Variants in SH3GL2 observed in about 807,000 individuals in gnomAD.
SH3GL2 encodes the protein SH3 domain containing GRB2 like 2, endophilin A1.
Under a neutral mutation model 46.0 loss-of-function variants are expected in SH3GL2, and 24 were observed. That is an observed-to-expected ratio of 0.52 (90% CI 0.38 to 0.73). The LOEUF (loss-of-function observed/expected upper bound fraction) is 0.73. Among genes scored for constraint, SH3GL2 ranks in the 30% least tolerant of loss-of-function variants. SH3GL2 has a pLI of 0.00. For synonymous variants in SH3GL2, 196 were observed against 147.1 expected, an observed-to-expected ratio of 1.33 and a Z score of -2.40; for missense variants, 413 against 424.2, an observed-to-expected ratio of 0.97 and a Z score of 0.23.
intron 1 of SH3GL2, among the ~76,000 whole-genome samples, chr9:17,737,050 C>T (rs376228953): frequency 3.9e-4 from 59 of 152,156 alleles, no homozygotes; most frequent in African/African-American, 1.1e-3. Flanking sequence ...ATGTCCTTTG[C>T]GGGGACATAG....
chr9:17,629,950 T>G (rs1445646933), intron 1 of SH3GL2, among the ~76,000 whole-genome samples: 1 of 152,196 alleles, frequency 6.6e-6, no homozygotes, highest in African/African-American at 2.4e-5. Flanking sequence ...TGTAATGGAA[T>G]CACATGGAGA....
chr9:17,790,105 A>G (rs1163842117), intron 6 of SH3GL2, among the ~76,000 whole-genome samples: 1 of 152,210 alleles, frequency 6.6e-6, no homozygotes, highest in Non-Finnish European at 1.5e-5. Context: ...CAGAAAGCCT[A>G]GAGCTGTGAC....
chr9:17,743,525 C>T (rs1272344475), intron 1 of SH3GL2, among the ~76,000 whole-genome samples: 1 of 151,716 alleles, frequency 6.6e-6, no homozygotes, highest in Non-Finnish European at 1.5e-5. Flanking sequence ...AGGCACTCCT[C>T]CCTCCTTCTT....
chr9:17,775,252 C>A (rs1260969278), intron 3 of SH3GL2, among the ~76,000 whole-genome samples: 1 of 151,960 alleles, frequency 6.6e-6, no homozygotes, highest in Admixed American at 6.6e-5. Context: ...TTTTTTCCAT[C>A]AATTAAAGAC....
intron 3 of SH3GL2, among the ~76,000 whole-genome samples, chr9:17,782,026 C>T (rs1823823225): frequency 6.6e-6 from 1 of 152,170 alleles, no homozygotes; most frequent in Non-Finnish European, 1.5e-5. Flanking sequence ...TCCCCCTAGA[C>T]ATAGCACTTG....
rs73645147 is a variant in SH3GL2, at chr9:17,706,398, C to A, written c.46-40668C>A. Among the ~76,000 whole-genome samples the A allele has an allele frequency of 1.5e-3, 230 of 152,214 alleles. 2 individuals are homozygous for A. Among genetic ancestry groups the A allele is most frequent in the African/African-American group, 5.4e-3 (225 of 41,556 alleles). ...GTTTTTCTCCACATTGCCTGTGATG[C>A]TAGCACCTCTTCATGAACTTTCCTG... On this transcript the variant is annotated intron_variant, in intron 1 of 8. Coordinates refer to ENST00000380607, the MANE Select transcript of SH3GL2 (RefSeq NM_003026.5).
chr9:17,791,188 G>A (rs1824116367), intron 6 of SH3GL2, 43 bp from the exon 7 acceptor site: 1 of 1,381,680 alleles, frequency 7.2e-7, no homozygotes, highest in Admixed American at 1.7e-5. Flanking sequence ...TTTAGGGATG[G>A]TAACGTGTAA....
chr9:17,611,608 A>G lies in SH3GL2; in HGVS notation c.45+32321A>G, dbSNP rs141338233. ...GAGGCTCCCTGTTACTGAGTTCATGATCTTACATTACTGTTTTCATGAGAA... is the reference window on the plus strand; with the variant it reads ...GAGGCTCCCTGTTACTGAGTTCATGGTCTTACATTACTGTTTTCATGAGAA... On this transcript the variant is annotated intron_variant, in intron 1 of 8. Transcript: ENST00000380607. 4.5e-3 allele frequency among the ~76,000 whole-genome samples: 681 copies of G among 152,254 alleles called. 9 individuals are homozygous for G. Among genetic ancestry groups the G allele is most frequent in the African/African-American group, 0.015 (641 of 41,538 alleles).
chr9:17,622,290 G>A (rs1050358726), intron 1 of SH3GL2, among the ~76,000 whole-genome samples: 2 of 152,128 alleles, frequency 1.3e-5, no homozygotes, highest in Non-Finnish European at 2.9e-5. Flanking sequence ...TCAACTAGGA[G>A]AATCGTAATA....
At chr9:17,741,254 A>T (rs1352953652) in intron 1 of SH3GL2, among the ~76,000 whole-genome samples, 1 of 152,308 alleles carries the variant, frequency 6.6e-6, no homozygotes, top group East Asian at 1.9e-4. Flanking sequence ...TTTCTATCAA[A>T]TGTATGTGGG....
At chr9:17,595,783 T>C (rs1375180750) in intron 1 of SH3GL2, among the ~76,000 whole-genome samples, 1 of 152,154 alleles carries the variant, frequency 6.6e-6, no homozygotes, top group Non-Finnish European at 1.5e-5. Context: ...AAAGCAGATA[T>C]GTAATATGTA....
rs185608808 is a variant in SH3GL2, at chr9:17,775,438, G to T, written c.188-10943G>T. Among the ~76,000 whole-genome samples, 1,100 of 152,238 alleles carry T rather than the reference G, an allele frequency of 7.2e-3. 3 individuals carry two copies. The highest frequency in any genetic ancestry group is 0.012 in the Admixed American group (179 of 15,280). On this transcript the variant is annotated intron_variant, in intron 3 of 8. Coordinates refer to ENST00000380607, the MANE Select transcript of SH3GL2 (RefSeq NM_003026.5). Reference sequence around the variant, plus strand: ...TAAAATGGAGAAACAAAACCCATCTGTTGTGTTTTGCAAGGCTGGATGATG... The same window carrying T: ...TAAAATGGAGAAACAAAACCCATCTTTTGTGTTTTGCAAGGCTGGATGATG...
chr9:17,736,240 T>A (rs2118456418), intron 1 of SH3GL2, among the ~76,000 whole-genome samples: 1 of 152,272 alleles, frequency 6.6e-6, no homozygotes, highest in East Asian at 1.9e-4. Context: ...ACTGGAAGGC[T>A]TTTTAAATTT....
At chr9:17,708,405 C>G (rs1056052198) in intron 1 of SH3GL2, among the ~76,000 whole-genome samples, 2 of 151,950 alleles carry the variant, frequency 1.3e-5, no homozygotes, top group African/African-American at 4.8e-5. Context: ...TAGAGAAACT[C>G]TACTTTGCGT....
At chr9:17,756,109 T>G (rs1473540890) in intron 2 of SH3GL2, among the ~76,000 whole-genome samples, 1 of 152,184 alleles carries the variant, frequency 6.6e-6, no homozygotes, top group Non-Finnish European at 1.5e-5. Context: ...ATTGACAGCG[T>G]TTAAATGAAT....
At chr9:17,662,621 A>G (rs1820248673) in intron 1 of SH3GL2, among the ~76,000 whole-genome samples, 1 of 151,576 alleles carries the variant, frequency 6.6e-6, no homozygotes, top group Non-Finnish European at 1.5e-5. Context: ...GTCTTTTGGC[A>G]TGTTAGCATG....
At chr9:17,777,662 C>T (rs557784776) in intron 3 of SH3GL2, among the ~76,000 whole-genome samples, 1 of 152,218 alleles carries the variant, frequency 6.6e-6, no homozygotes, top group East Asian at 1.9e-4. Context: ...ACTATGTCCT[C>T]ATGTAACCTT....
chr9:17,684,883 T>G (rs1820864508), intron 1 of SH3GL2, among the ~76,000 whole-genome samples: 1 of 152,262 alleles, frequency 6.6e-6, no homozygotes, highest in Non-Finnish European at 1.5e-5. Flanking sequence ...TTACTCTTCA[T>G]TTCACTGCCA....
chr9:17,693,222 G>C (rs1046296453), intron 1 of SH3GL2, among the ~76,000 whole-genome samples: 3 of 152,138 alleles, frequency 2.0e-5, no homozygotes, highest in South Asian at 2.1e-4. Flanking sequence ...AGCAGAAAAC[G>C]TTATGTTTGG....
Sources: allele counts gnomAD v4.1 joint callset (sites outside exome capture counted in the v4.1 genomes callset), GRCh38; gene constraint gnomAD v4.1.1; transcripts MANE v1.5; gene names NCBI Gene and HGNC (gene_info 2026-07-23, HGNC 2026-07-21).